Variants in PLEKHA5 observed in about 807,000 individuals in gnomAD.
PLEKHA5 encodes pleckstrin homology domain-containing family A member 5.
A neutral mutation model predicts 181.9 loss-of-function variants in PLEKHA5; 55 were observed. The ratio of observed to expected loss-of-function variants is 0.30; its 90% CI spans 0.24 to 0.38. The LOEUF (loss-of-function observed/expected upper bound fraction) is 0.38, where lower values mean the gene tolerates loss of function less well. Ranked by LOEUF, PLEKHA5 falls within the 10% of genes least tolerant of loss-of-function variation. PLEKHA5 has a pLI of 1.00. For missense variants in PLEKHA5, 1,432 were observed against 1,549.5 expected (o/e 0.92, Z 1.27); for synonymous variants, 535 against 529.4 (o/e 1.01, Z -0.15).
chr12:19,304,935 T>G (rs1445282276), intron 15 of PLEKHA5, among the ~76,000 whole-genome samples: 2 of 152,052 alleles, frequency 1.3e-5, no homozygotes, highest in Admixed American at 1.3e-4. Flanking sequence ...TCTCTCTTTC[T>G]TTTTTTAAAA....
rs753350708 is a variant in PLEKHA5 at position 19,336,506 on chromosome 12, TG to T, written c.2449-7del. The T allele has an allele frequency of 1.0e-5, 15 of 1,452,394 alleles. No homozygotes were observed. The highest frequency in any genetic ancestry group is 1.3e-5 in the Non-Finnish European group (14 of 1,039,862). The allele number at this position is 1,452,394 out of a possible 1,614,324, so 90.0% of individuals were successfully genotyped here. A position where few individuals can be genotyped will look rare whatever the true frequency, so the allele number is the denominator to read the frequency against. ...CCCCATTAAAGTAATTAACACTTTTTGGTTTTAGGAATTGGAACGAGCATGG... is the reference window on the plus strand; with the variant it reads ...CCCCATTAAAGTAATTAACACTTTTTGTTTTAGGAATTGGAACGAGCATGG... On this transcript the variant is annotated splice_region_variant and splice_polypyrimidine_tract_variant and intron_variant, in intron 20 of 31. Coordinates refer to ENST00000429027, the MANE Select transcript of PLEKHA5 (RefSeq NM_001256470.2).
intron 15 of PLEKHA5, among the ~76,000 whole-genome samples, chr12:19,295,549 G>T (rs1465555089): frequency 1.3e-5 from 2 of 152,010 alleles, no homozygotes; most frequent in African/African-American, 2.4e-5. Flanking sequence ...GAGGGAAAAA[G>T]AAAATTTTGA....
chr12:19,139,142 C>T (rs898857852), intron 3 of PLEKHA5, among the ~76,000 whole-genome samples: 1 of 152,042 alleles, frequency 6.6e-6, no homozygotes, highest in African/African-American at 2.4e-5. Flanking sequence ...GACGAGCTGA[C>T]AGGCCTTAGG....
At chr12:19,204,073 A>T (rs780463025) in intron 3 of PLEKHA5, among the ~76,000 whole-genome samples, 3 of 151,992 alleles carry the variant, frequency 2.0e-5, no homozygotes, top group African/African-American at 7.3e-5. Flanking sequence ...TTTCCATGGG[A>T]TGGCTATTTC....
intron 3 of PLEKHA5, among the ~76,000 whole-genome samples, chr12:19,174,903 T>C (rs1264818170): frequency 6.6e-6 from 1 of 152,236 alleles, no homozygotes; most frequent in African/African-American, 2.4e-5. Flanking sequence ...ACAGGGAAAC[T>C]ACAGCCAGTC....
intron 12 of PLEKHA5, among the ~76,000 whole-genome samples, chr12:19,285,020 T>C (rs1454916217): frequency 6.6e-6 from 1 of 152,248 alleles, no homozygotes; most frequent in Non-Finnish European, 1.5e-5. Context: ...TTCAGCTGCG[T>C]TATTACCTAA....
Position 19,283,657 on chromosome 12 carries a change from C to G in PLEKHA5, c.1691C>G (p.Pro564Arg), listed in dbSNP as rs1278998497. The change falls in exon 12 of 32, where the codon CCT (proline) becomes CGT (arginine). Residue 564 changes from proline to arginine, a missense_variant. Physicochemically the swap from Pro to Arg is moderately radical, Grantham distance 103. Coordinates refer to ENST00000429027, the MANE Select transcript of PLEKHA5 (RefSeq NM_001256470.2). ...GSIAAYQGYS[P>R]QRTYRSEVSS... ...ATAGCTGCTTATCAGGGATACTCCC[C>G]TCAACGAACTTACAGATCGGAAGTG... The G allele has an allele frequency of 6.2e-7, 1 of 1,614,120 alleles. No homozygotes were observed. Among genetic ancestry groups the G allele is most frequent in the Non-Finnish European group, 8.5e-7 (1 of 1,179,998 alleles).
intron 3 of PLEKHA5, among the ~76,000 whole-genome samples, chr12:19,174,725 A>C (rs1313308537): frequency 1.3e-5 from 2 of 152,108 alleles, no homozygotes; most frequent in Non-Finnish European, 2.9e-5. Flanking sequence ...GCCTTTTATT[A>C]TTTACATGAT....
chr12:19,337,241 C>T (rs1319810212), intron 21 of PLEKHA5, among the ~76,000 whole-genome samples: 2 of 151,894 alleles, frequency 1.3e-5, no homozygotes, highest in African/African-American at 4.8e-5. Context: ...GGTTAGTTTT[C>T]TTATCTATAA....
chr12:19,132,537 T>C, intron 3 of PLEKHA5, 87 bp downstream of exon 3: 1 of 717,928 alleles, frequency 1.4e-6, no homozygotes, highest in South Asian at 1.6e-5. Flanking sequence ...CCAGTCTTGA[T>C]CATGATTTTC....
intron 3 of PLEKHA5, among the ~76,000 whole-genome samples, chr12:19,238,565 C>T (rs772691883): frequency 1.4e-4 from 22 of 152,024 alleles, no homozygotes; most frequent in Admixed American, 3.3e-4. Context: ...TTTCTATTCC[C>T]TTTTAAAATT....
intron 3 of PLEKHA5, among the ~76,000 whole-genome samples, chr12:19,250,806 A>T (rs2065072972): frequency 6.6e-6 from 1 of 152,172 alleles, no homozygotes; most frequent in Non-Finnish European, 1.5e-5. Context: ...TTTGTAATTT[A>T]GTAGTGCAAT....
Position 19,274,610 on chromosome 12 carries a change from C to G in PLEKHA5, c.940C>G (p.Gln314Glu). 1.2e-6 allele frequency: 2 copies of G among 1,612,586 alleles called. No individual in the cohort carries two copies. Among genetic ancestry groups the G allele is most frequent in the Non-Finnish European group, 1.7e-6 (2 of 1,179,244 alleles). ...VLIKPEIQNN[Q>E]KNKEMSKIEE... ...AATTAAACCAGAGATCCAAAACAAT[C>G]AAAAAAACAAGGAAATGAGCAAAAT... The change falls in exon 11 of 32, where the codon CAA (glutamine) becomes GAA (glutamate). Residue 314 changes from glutamine (Q) to glutamate (E), a missense_variant. Transcript: ENST00000429027.
At chr12:19,268,293 G>A (rs2071247153) in intron 8 of PLEKHA5, among the ~76,000 whole-genome samples, 1 of 152,092 alleles carries the variant, frequency 6.6e-6, no homozygotes, top group Admixed American at 6.6e-5. Flanking sequence ...AAATTTTTTT[G>A]TTGCTTATCA....
chr12:19,357,206 C>A (rs1052741406), intron 26 of PLEKHA5, among the ~76,000 whole-genome samples: 1 of 150,800 alleles, frequency 6.6e-6, no homozygotes, highest in African/African-American at 2.4e-5. Context: ...TTTTCTATTT[C>A]AGGGTCATGG....
chr12:19,140,428 T>C, intron 3 of PLEKHA5, among the ~76,000 whole-genome samples: 1 of 152,168 alleles, frequency 6.6e-6, no homozygotes, highest in East Asian at 1.9e-4. Context: ...GTACAGATGA[T>C]AGACATTTCA....
At chr12:19,301,139 A>C (rs1045854837) in intron 15 of PLEKHA5, among the ~76,000 whole-genome samples, 4 of 152,098 alleles carry the variant, frequency 2.6e-5, no homozygotes, top group Non-Finnish European at 4.4e-5. Context: ...AACAAGAGCG[A>C]AACTCCGTCT....
At chr12:19,306,364 T>A in intron 15 of PLEKHA5, 21 of 463,752 alleles carry the variant, frequency 4.5e-5, no homozygotes, top group Non-Finnish European at 5.9e-5. Context: ...GCTCTCCAAC[T>A]AGCGTGCTCT....
intron 25 of PLEKHA5, among the ~76,000 whole-genome samples, chr12:19,351,605 G>T (rs78586573): frequency 6.6e-6 from 1 of 152,122 alleles, no homozygotes; most frequent in African/African-American, 2.4e-5. Context: ...AGCTGTGATC[G>T]TGCCACTTAC....
Sources: allele counts gnomAD v4.1 joint callset (sites outside exome capture counted in the v4.1 genomes callset), GRCh38; gene constraint gnomAD v4.1.1; transcripts MANE v1.5; gene names NCBI Gene and HGNC (gene_info 2026-07-23, HGNC 2026-07-21).